KISS1: variants seen among roughly 807,000 people sequenced by gnomAD.
The protein encoded by KISS1 is metastasis-suppressor KiSS-1.
For missense variants in KISS1, 182 were observed against 182.7 expected (o/e 1.00, Z 0.02); for synonymous variants, 97 against 88.7 (o/e 1.09, Z -0.52).
chr1:204,190,409 T>TTGCCCC lies in KISS1; in HGVS notation c.*74_*75insGGGGCA, dbSNP rs200451423. The TTGCCCC allele has an allele frequency of 2.2e-4, 125 of 573,148 alleles. 1 individual carries two copies. Among genetic ancestry groups the TTGCCCC allele is most frequent in the South Asian group, 4.8e-4 (30 of 62,620 alleles). The allele number at this position is 573,148 out of a possible 1,614,324, so 35.5% of individuals were successfully genotyped here. A position where few individuals can be genotyped will look rare whatever the true frequency, so the allele number is the denominator to read the frequency against. On this transcript the variant is annotated 3_prime_UTR_variant, in exon 3 of 3. Coordinates refer to ENST00000367194, the MANE Select transcript of KISS1 (RefSeq NM_002256.4). ...CAGCGCCCCCTCCCTTAGCCCTACG[T>TTGCCCC]CCCCGCCCCCCGCCCCCGCCCCGCA...
At position 204,192,982 on chromosome 1, in the gene KISS1, C is replaced by T; in HGVS notation, c.-38-68G>A. The T allele has an allele frequency of 1.2e-6, 1 of 804,136 alleles. No homozygotes were observed. Among genetic ancestry groups the T allele is most frequent in the Non-Finnish European group, 2.1e-6 (1 of 474,754 alleles). 49.8% of individuals were successfully genotyped at this position (804,136 alleles called of 1,614,324 possible). On this transcript the variant is annotated intron_variant, in intron 1 of 2. Transcript: ENST00000367194. This position sits in a 1 kb window ranked among gnomAD's most constrained non-coding sequence, Gnocchi z 4.2. ...TCTGGGCTGGGTGCTGAGGGCAGAG[C>T]CCAGTGCAAAAGGGACAGTCCTCCA...
chr1:204,195,836 T>C (rs898550788), intron 1 of KISS1, among the ~76,000 whole-genome samples: 14 of 152,180 alleles, frequency 9.2e-5, no homozygotes, highest in Admixed American at 9.2e-4. Context: ...GTGGCCGACC[T>C]GCTGTAGACA....
chr1:204,195,293 C>T (rs1658829154), intron 1 of KISS1, among the ~76,000 whole-genome samples: 6 of 14,826 alleles, frequency 4.0e-4, no homozygotes, highest in South Asian at 2.4e-3. Context: ...ACACCACACA[C>T]ATACACCCAT....
intron 1 of KISS1, among the ~76,000 whole-genome samples, chr1:204,195,083 G>A (rs547285477): frequency 8.8e-6 from 1 of 113,392 alleles, no homozygotes; most frequent in South Asian, 2.9e-4. Context: ...CCTTCCCACT[G>A]TGGATGGCAC....
In KISS1 at chr1:204,190,410, C is replaced by CCG. The variant is rs1658710368; in HGVS notation, c.*73_*74insCG. 4 of 440,376 alleles carry CCG rather than the reference C, an allele frequency of 9.1e-6. No individual in the cohort carries two copies. The highest frequency in any genetic ancestry group is 6.9e-5 in the South Asian group (4 of 58,172). The allele number at this position is 440,376 out of a possible 1,614,324, so 27.3% of individuals were successfully genotyped here. On this transcript the variant is annotated 3_prime_UTR_variant, in exon 3 of 3. Coordinates refer to ENST00000367194, the MANE Select transcript of KISS1 (RefSeq NM_002256.4). ...AGCGCCCCCTCCCTTAGCCCTACGT[C>CCG]CCCGCCCCCCGCCCCCGCCCCGCAT... is the stretch of plus-strand genomic sequence containing the variant.
rs771664659 is a variant in KISS1 at position 204,190,528 on chromosome 1, C to T, written c.373G>A (p.Glu125Lys). The change falls in exon 3 of 3, where the codon GAG becomes AAG. Residue 125 changes from glutamate to lysine, a missense_variant. Transcript: ENST00000367194. The part of the protein sequence containing the change: ...NSFGLRFGKR[E>K]AAPGNHGRSA... ...CTGCCGTGGTTCCCTGGTGCCGCCT[C>T]CCGCTTGCCGAAGCGCAGGCCGAAG... is the stretch of plus-strand genomic sequence containing the variant. 9 of 1,608,850 alleles carry T rather than the reference C, an allele frequency of 5.6e-6. No individual in the cohort carries two copies. The highest frequency in any genetic ancestry group is 8.5e-7 in the Non-Finnish European group (1 of 1,178,560).
Position 204,193,692 on chromosome 1 carries a change from A to G in KISS1, c.-38-778T>C, listed in dbSNP as rs1658786488. Among the ~76,000 whole-genome samples the G allele has an allele frequency of 2.0e-5, 3 of 151,610 alleles. No homozygotes were observed. The South Asian group carries it at 6.2e-4, about 32-fold the overall frequency. ...TATCTCCATAGTCTATTCTTTGTGG[A>G]CTCTAAGAGGCTATGAATTGAATTG... On this transcript the variant is annotated intron_variant, in intron 1 of 2. Transcript: ENST00000367194.
chr1:204,195,698 A>C (rs1658845590), intron 1 of KISS1, among the ~76,000 whole-genome samples: 1 of 144,706 alleles, frequency 6.9e-6, no homozygotes, highest in African/African-American at 2.6e-5. Context: ...ATACACACAT[A>C]CACCCATACA....
At chr1:204,195,237 G>C (rs201790618) in intron 1 of KISS1, among the ~76,000 whole-genome samples, 2 of 2,382 alleles carry the variant, frequency 8.4e-4, no homozygotes, top group Admixed American at 5.5e-3. Flanking sequence ...ACATATACAC[G>C]CATACACCCA....
At chr1:204,195,433 CACAT>C (rs1658838425) in intron 1 of KISS1, among the ~76,000 whole-genome samples, 3 of 147,662 alleles carry the variant, frequency 2.0e-5, no homozygotes, top group East Asian at 2.0e-4. Flanking sequence ...CACATATACA[CACAT>C]ACACCCATAC....
rs766621293 is a variant in KISS1 at position 204,190,691 on chromosome 1, C to T, written c.210G>A (p.Ser70=). 3 of 1,597,724 alleles carry T rather than the reference C, an allele frequency of 1.9e-6. No individual in the cohort carries two copies. The highest frequency in any genetic ancestry group is 3.4e-4 in the Middle Eastern group (2 of 5,962). Residue 70 remains serine, a synonymous_variant, in exon 3 of 3, where the codon TCG becomes TCA. Coordinates refer to ENST00000367194, the MANE Select transcript of KISS1 (RefSeq NM_002256.4). ...CGGAGCTCTCGGGGGGCGGGGACAG[C>T]GAGGTCCCCCGACGGCTCAGCCTGG... ...ATARLSRRGT[S]LSPPPESSGS...
chr1:204,194,848 GA>G (rs1348735000), intron 1 of KISS1, among the ~76,000 whole-genome samples: 1 of 152,108 alleles, frequency 6.6e-6, no homozygotes, highest in Admixed American at 6.5e-5. Flanking sequence ...AGCTAGACAA[GA>G]GGATGGAGCT....
intron 1 of KISS1, among the ~76,000 whole-genome samples, chr1:204,195,178 C>CACGCATACACCCATACA (rs1658815206): frequency 6.6e-6 from 1 of 150,724 alleles, no homozygotes; most frequent in Admixed American, 6.6e-5. Context: ...ACCACACACA[C>CACGCATACACCCATACA]CACACATGCA....
At chr1:204,195,216 CA>C (rs1658818937) in intron 1 of KISS1, among the ~76,000 whole-genome samples, 20 of 8,312 alleles carry the variant, frequency 2.4e-3, no homozygotes, top group Admixed American at 3.9e-3. Context: ...TATATACGCA[CA>C]CACCCATACA....
At position 204,190,658 on chromosome 1, in the gene KISS1, G is replaced by C; in HGVS notation, c.243C>G (p.Pro81=). Residue 81 remains proline (P), a synonymous_variant, in exon 3 of 3, where the codon CCC becomes CCG. Coordinates refer to ENST00000367194, the MANE Select transcript of KISS1 (RefSeq NM_002256.4). ...LSPPPESSGS[P]QQPGLSAPHS... is the part of the protein sequence containing the mutation. ...GGGGGGCGGACAGGCCCGGCTGCTG[G>C]GGGCTCCCGGAGCTCTCGGGGGGCG... The C allele has an allele frequency of 6.3e-7, 1 of 1,585,618 alleles. No homozygotes were observed. The highest frequency in any genetic ancestry group is 8.6e-7 in the Non-Finnish European group (1 of 1,166,540).
intron 2 of KISS1, among the ~76,000 whole-genome samples, chr1:204,191,541 T>TA: frequency 6.6e-6 from 1 of 152,364 alleles, no homozygotes; most frequent in Middle Eastern, 3.4e-3. Flanking sequence ...TTTTTGGCTG[T>TA]AAAATAGGGC....
chr1:204,194,086 C>T lies in KISS1; in HGVS notation c.-38-1172G>A, dbSNP rs559313870. Reference sequence around the variant, plus strand: ...TCTCTCTGCTCTTGCACCCACACCCCCACCCCCCATTCCTCACCCAGCTCC... The same window carrying T: ...TCTCTCTGCTCTTGCACCCACACCCTCACCCCCCATTCCTCACCCAGCTCC... On this transcript the variant is annotated intron_variant, in intron 1 of 2. Coordinates refer to ENST00000367194, the MANE Select transcript of KISS1 (RefSeq NM_002256.4). Among the ~76,000 whole-genome samples the T allele has an allele frequency of 3.9e-5, 6 of 152,232 alleles. No homozygotes were observed. In the South Asian group the frequency reaches 8.3e-4, roughly 21 times the overall value.
chr1:204,191,771 T>C (rs1658747267), intron 2 of KISS1, among the ~76,000 whole-genome samples: 1 of 152,242 alleles, frequency 6.6e-6, no homozygotes, highest in Non-Finnish European at 1.5e-5. Context: ...GCCCAGGGCC[T>C]GGCTGAGGTA....
chr1:204,191,256 C>A (rs750595534), intron 2 of KISS1, among the ~76,000 whole-genome samples: 1 of 152,090 alleles, frequency 6.6e-6, no homozygotes, highest in Non-Finnish European at 1.5e-5. Flanking sequence ...AAGCTAAAAA[C>A]GTGTAGTAAC....
Sources: allele counts gnomAD v4.1 joint callset (sites outside exome capture counted in the v4.1 genomes callset), GRCh38; gene constraint gnomAD v4.1.1; non-coding constraint Gnocchi (gnomAD v3.1); transcripts MANE v1.5; gene names NCBI Gene and HGNC (gene_info 2026-07-23, HGNC 2026-07-21).